The following AHNAK variants were observed in gnomAD, a reference collection of about 807,000 sequenced individuals.
The protein encoded by AHNAK is neuroblast differentiation-associated protein AHNAK.
In AHNAK, 23 loss-of-function variants were observed where a neutral mutation model predicts 37.8. The ratio of observed to expected loss-of-function variants is 0.61; its 90% CI spans 0.44 to 0.86. The LOEUF is 0.86. Among genes scored for constraint, AHNAK ranks in the 40% least tolerant of loss-of-function variants. AHNAK has a pLI of 0.00. For missense variants in AHNAK, 7,411 were observed against 7,319.4 expected (o/e 1.01, Z -0.46); for synonymous variants, 2,481 against 2,636.3 (o/e 0.94, Z 1.80).
chr11:62,512,669 C>T (rs1001234709), downstream of AHNAK, among the ~76,000 whole-genome samples: 7 of 152,176 alleles, frequency 4.6e-5, no homozygotes, highest in African/African-American at 1.7e-4. This position sits in a 1 kb window ranked among gnomAD's most constrained non-coding sequence, Gnocchi z 4.0. Context: ...TTTGGGAGGC[C>T]AAGGAGGGAG....
chr11:62,491,199 C>T (rs944161654), intron 5 of AHNAK, among the ~76,000 whole-genome samples: 6 of 152,178 alleles, frequency 3.9e-5, no homozygotes, highest in Admixed American at 2.6e-4. Context: ...CCACGTAGCT[C>T]CCTATGACCC....
At chr11:62,435,371 G>A (rs1938139535) in intron 5 of AHNAK, among the ~76,000 whole-genome samples, 1 of 152,104 alleles carries the variant, frequency 6.6e-6, no homozygotes, top group Admixed American at 6.6e-5. Flanking sequence ...GGCTTGGAAG[G>A]AATTAGGCAC....
chr11:62,437,429 AC>A (rs1458227307), intron 5 of AHNAK, among the ~76,000 whole-genome samples: 1 of 151,964 alleles, frequency 6.6e-6, no homozygotes, highest in African/African-American at 2.4e-5. Flanking sequence ...AATCTCAGCC[AC>A]TGCAACATCT....
In AHNAK at chr11:62,533,433, C is replaced by T. The variant is rs1183445517; in HGVS notation, c.984G>A (p.Gly328=). The change falls in exon 5 of 5, where the codon GGG becomes GGA. Residue 328 remains glycine (G), a synonymous_variant. Coordinates refer to ENST00000378024, the MANE Select transcript of AHNAK (RefSeq NM_001620.3). ...AGACTTCAGGTGCAGAAACCCTCAGCCCTGCCTTTGGTGTCTGGCCCTCAC... is the reference window on the plus strand; with the variant it reads ...AGACTTCAGGTGCAGAAACCCTCAGTCCTGCCTTTGGTGTCTGGCCCTCAC... ...TGREGQTPKA[G]LRVSAPEVSV... is the part of the protein sequence containing the mutation. The T allele has an allele frequency of 6.2e-7, 1 of 1,612,736 alleles. No homozygotes were observed. The highest frequency in any genetic ancestry group is 1.3e-5 in the African/African-American group (1 of 75,060).
rs1210337996 is a variant in AHNAK at position 62,519,857 on chromosome 11, C to T, written c.14560G>A (p.Val4854Ile). The T allele has an allele frequency of 1.2e-6, 2 of 1,614,122 alleles. No homozygotes were observed. The highest frequency in any genetic ancestry group is 1.7e-6 in the Non-Finnish European group (2 of 1,180,034). ...TTGGGTCCTTTCAAATCCAGGTCAA[C>T]ATCAGGTATGGAGATCTTGGGAGCT... ...IKAPKISIPD[V>I]DLDLKGPKVK... Residue 4854 changes from valine (V) to isoleucine (I), a missense_variant, in exon 5 of 5, where the codon GTT becomes ATT. Physicochemically the swap from Val to Ile is conservative, Grantham distance 29. Transcript: ENST00000378024.
rs1244223956 is a variant in AHNAK at position 62,527,988 on chromosome 11, C to T, written c.6429G>A (p.Glu2143=). 2.5e-6 allele frequency: 4 copies of T among 1,610,828 alleles called. No individual in the cohort carries two copies. Among genetic ancestry groups the T allele is most frequent in the South Asian group, 2.2e-5 (2 of 90,918 alleles). Residue 2143 remains glutamate, a synonymous_variant, in exon 5 of 5, where the codon GAG becomes GAA. Transcript: ENST00000378024. ...GDVDVSLPKL[E]GDLTGPSVDV... ...CCACACTGGGGCCTGTTAAATCTCC[C>T]TCCAATTTTGGCAAAGACACATCCA... is the stretch of plus-strand genomic sequence containing the variant.
At chr11:62,490,948 C>A (rs531401282) in intron 5 of AHNAK, among the ~76,000 whole-genome samples, 78 of 151,926 alleles carry the variant, frequency 5.1e-4, no homozygotes, top group African/African-American at 1.9e-3. Flanking sequence ...CCACCATACC[C>A]GGCTAATTTT....
intron 5 of AHNAK, among the ~76,000 whole-genome samples, chr11:62,467,286 A>G (rs1938932590): frequency 6.6e-6 from 1 of 152,200 alleles, no homozygotes; most frequent in Non-Finnish European, 1.5e-5. Flanking sequence ...AAAAGAAAAC[A>G]AATTCTACAA....
At position 62,520,545 on chromosome 11, in the gene AHNAK, G is replaced by A; in HGVS notation, c.13872C>T (p.Gly4624=). 1 of 1,614,164 alleles carries A rather than the reference G, an allele frequency of 6.2e-7. No homozygotes were observed. The highest frequency in any genetic ancestry group is 8.5e-7 in the Non-Finnish European group (1 of 1,180,042). The part of the protein sequence containing the change: ...SLPKVEGDLK[G]PEVDIRDPKV... Reference sequence around the variant, plus strand: ...TGGGGTCCCTGATGTCAACTTCGGGGCCCTTGAGGTCGCCTTCCACTTTGG... The same window carrying A: ...TGGGGTCCCTGATGTCAACTTCGGGACCCTTGAGGTCGCCTTCCACTTTGG... The change falls in exon 5 of 5, where the codon GGC becomes GGT. Residue 4624 remains glycine (G), a synonymous_variant. Transcript: ENST00000378024.
chr11:62,434,987 C>G (rs570845046), intron 5 of AHNAK, among the ~76,000 whole-genome samples: 54 of 150,904 alleles, frequency 3.6e-4, no homozygotes, highest in African/African-American at 1.2e-3. Flanking sequence ...CATCTGGAAC[C>G]AGGCCTCCTT....
At position 62,526,339 on chromosome 11, in the gene AHNAK, G is replaced by A. The variant is rs1360443713; in HGVS notation, c.8078C>T (p.Pro2693Leu). Reference protein sequence around the residue: ...IEGPEGKLKGPKFKMPEMNIK... With the variant: ...IEGPEGKLKGLKFKMPEMNIK... ...ATTCATCTCTGGCATCTTGAACTTA[G>A]GCCCTTTCAACTTTCCCTCTGGTCC... Residue 2693 changes from proline to leucine, a missense_variant, in exon 5 of 5, where the codon CCT (proline) becomes CTT (leucine). Physicochemically the swap from Pro to Leu is moderately conservative, Grantham distance 98 (BLOSUM62 -3). Coordinates refer to ENST00000378024, the MANE Select transcript of AHNAK (RefSeq NM_001620.3). 1.2e-6 allele frequency: 2 copies of A among 1,612,798 alleles called. No homozygotes were observed. The highest frequency in any genetic ancestry group is 1.3e-5 in the African/African-American group (1 of 74,528).
At chr11:62,515,279 G>T (rs1179980705), downstream of AHNAK, among the ~76,000 whole-genome samples, 1 of 152,220 alleles carries the variant, frequency 6.6e-6, no homozygotes, top group African/African-American at 2.4e-5. Context: ...AGTACTTTGG[G>T]AGGCCAAGGC....
rs374771447 is a variant in AHNAK at position 62,523,193 on chromosome 11, C to T, written c.11224G>A (p.Ala3742Thr). 2.5e-6 allele frequency: 4 copies of T among 1,613,988 alleles called. No individual in the cohort carries two copies. The highest frequency in any genetic ancestry group is 3.3e-5 in the Admixed American group (2 of 59,996). Residue 3742 changes from alanine (A) to threonine (T), a missense_variant, in exon 5 of 5, where the codon GCT (alanine) becomes ACT (threonine). Physicochemically the swap from Ala to Thr is moderately conservative, Grantham distance 58. Coordinates refer to ENST00000378024, the MANE Select transcript of AHNAK (RefSeq NM_001620.3). ...ATGTCAGGCATCGATATTTTGGGAGCCTTCAGGTGCATCTCTGGTATCTTA... is the reference window on the plus strand; with the variant it reads ...ATGTCAGGCATCGATATTTTGGGAGTCTTCAGGTGCATCTCTGGTATCTTA... Reference protein sequence around the residue: ...KFKIPEMHLKAPKISMPDIDL... With the variant: ...KFKIPEMHLKTPKISMPDIDL...
Position 62,531,265 on chromosome 11 carries a change from T to C in AHNAK, c.3152A>G (p.Lys1051Arg), listed in dbSNP as rs747176973. Reference sequence around the variant, plus strand: ...CTCAGGCATCTTAAACTTCGGGCCTTTCAACTTCCCTTCAGGTCCTTCAAG... The same window carrying C: ...CTCAGGCATCTTAAACTTCGGGCCTCTCAACTTCCCTTCAGGTCCTTCAAG... ...LSLEGPEGKL[K>R]GPKFKMPEMH... Residue 1051 changes from lysine (K) to arginine (R), a missense_variant, in exon 5 of 5, where the codon AAA (lysine) becomes AGA (arginine). Lys to Arg is a conservative substitution (Grantham distance 26). Transcript: ENST00000378024. The C allele has an allele frequency of 6.2e-7, 1 of 1,613,692 alleles. No individual in the cohort carries two copies. Among genetic ancestry groups the C allele is most frequent in the Non-Finnish European group, 8.5e-7 (1 of 1,179,836 alleles).
chr11:62,496,823 GAAGA>G (rs1255781171), intron 4 of AHNAK, among the ~76,000 whole-genome samples: 2 of 144,010 alleles, frequency 1.4e-5, no homozygotes, highest in African/African-American at 2.6e-5. Flanking sequence ...GAAAGAAAAA[GAAGA>G]AAGAAAGGAA....
rs1000617852 is a variant in AHNAK at position 62,487,541 on chromosome 11, G to A, written c.442+4191C>T. On this transcript the variant is annotated intron_variant, in intron 5 of 5. Coordinates refer to the AHNAK transcript ENST00000257247. ...TCTTTTTTTTTTGAGACGGAGTCTC[G>A]CACTGTCGCCGGTGGCGCAGTCTCG... Among the ~76,000 whole-genome samples, 3 of 152,016 alleles carry A rather than the reference G, an allele frequency of 2.0e-5. No homozygotes were observed. In the East Asian group the frequency reaches 5.8e-4, roughly 29 times the overall value.
intron 5 of AHNAK, among the ~76,000 whole-genome samples, chr11:62,449,401 G>A (rs1938487194): frequency 6.6e-6 from 1 of 152,206 alleles, no homozygotes; most frequent in Non-Finnish European, 1.5e-5. Flanking sequence ...TGAAACCAGA[G>A]AGGGAGGCAG....
At position 62,520,553 on chromosome 11, in the gene AHNAK, G is replaced by A. The variant is rs115607275; in HGVS notation, c.13864C>T (p.Leu4622Phe). Residue 4622 changes from leucine to phenylalanine, a missense_variant, in exon 5 of 5, where the codon CTC (leucine) becomes TTC (phenylalanine). By Grantham distance (22) the Leu-to-Phe change is conservative (BLOSUM62 0). Coordinates refer to ENST00000378024, the MANE Select transcript of AHNAK (RefSeq NM_001620.3). Reference sequence around the variant, plus strand: ...CTGATGTCAACTTCGGGGCCCTTGAGGTCGCCTTCCACTTTGGGCAGAGAA... The same window carrying A: ...CTGATGTCAACTTCGGGGCCCTTGAAGTCGCCTTCCACTTTGGGCAGAGAA... ...DISLPKVEGD[L>F]KGPEVDIRDP... The A allele has an allele frequency of 1.9e-6, 3 of 1,614,030 alleles. No homozygotes were observed. Among genetic ancestry groups the A allele is most frequent in the South Asian group, 1.1e-5 (1 of 91,092 alleles).
Position 62,500,034 on chromosome 11 carries a change from C to T in AHNAK, c.343-8203G>A, listed in dbSNP as rs185722827. ...CACCAGACTACCTGGCTCCAGCTTG[C>T]TTCTTGTCTAAGCTGAACAGAATAG... On this transcript the variant is annotated intron_variant, in intron 4 of 5. Transcript: ENST00000257247. Among the ~76,000 whole-genome samples, 75 of 152,302 alleles carry T rather than the reference C, an allele frequency of 4.9e-4. No individual in the cohort carries two copies. The East Asian group carries it at 0.013, about 26-fold the overall frequency.
Sources: allele counts gnomAD v4.1 joint callset (sites outside exome capture counted in the v4.1 genomes callset), GRCh38; gene constraint gnomAD v4.1.1; non-coding constraint Gnocchi (gnomAD v3.1); transcripts MANE v1.5; gene names NCBI Gene and HGNC (gene_info 2026-07-23, HGNC 2026-07-21).